The following CSTPP1 variants were observed in gnomAD, a reference collection of about 807,000 sequenced individuals.
CSTPP1 encodes the protein UPF0705 protein C11orf49.
At chr11:47,158,314 T>C in the CSTPP1 span, among the ~76,000 whole-genome samples, 1 of 151,384 alleles carries the variant, frequency 6.6e-6, no homozygotes, top group Non-Finnish European at 1.5e-5. Flanking sequence ...AAGGCACAGG[T>C]GTGTCTGCGG....
At chr11:47,042,187 G>A in the CSTPP1 span, among the ~76,000 whole-genome samples, 1 of 151,688 alleles carries the variant, frequency 6.6e-6, no homozygotes, top group African/African-American at 2.4e-5. Context: ...GGGCAACAGA[G>A]CAAGTCCCTG....
the CSTPP1 span, among the ~76,000 whole-genome samples, chr11:47,076,976 A>G: frequency 1.3e-5 from 2 of 151,940 alleles, no homozygotes; most frequent in Non-Finnish European, 2.9e-5. Context: ...AAAAAAAAAA[A>G]AAGAAAACTG....
chr11:47,153,514 G>A, the CSTPP1 span, among the ~76,000 whole-genome samples: 1 of 152,238 alleles, frequency 6.6e-6, no homozygotes, highest in African/African-American at 2.4e-5. Flanking sequence ...TGGAAGATGT[G>A]TGGCCTGTGG....
At chr11:47,156,159 T>C in the CSTPP1 span, among the ~76,000 whole-genome samples, 1 of 152,208 alleles carries the variant, frequency 6.6e-6, no homozygotes, top group African/African-American at 2.4e-5. Flanking sequence ...CCAAGGGCTG[T>C]ACAGTTAGGG....
chr11:47,124,425 T>TC, the CSTPP1 span, among the ~76,000 whole-genome samples: 3 of 152,158 alleles, frequency 2.0e-5, no homozygotes, highest in Admixed American at 6.6e-5. Flanking sequence ...TTAATGGTCT[T>TC]ACTTTTAAAA....
the CSTPP1 span, among the ~76,000 whole-genome samples, chr11:47,106,650 AAAAAG>A: frequency 9.2e-5 from 14 of 152,092 alleles, no homozygotes; most frequent in Admixed American, 4.6e-4. Flanking sequence ...CTCAAAAAAA[AAAAAG>A]AAAAGAAAAG....
chr11:47,060,258 C>CT, the CSTPP1 span, among the ~76,000 whole-genome samples: 3,002 of 99,060 alleles, frequency 0.03, 188 homozygotes, highest in African/African-American at 0.11. Flanking sequence ...CTTTTCTTTT[C>CT]TTTTTTTTTT....
At chr11:47,134,168 T>C in the CSTPP1 span, among the ~76,000 whole-genome samples, 1 of 152,122 alleles carries the variant, frequency 6.6e-6, no homozygotes, top group Admixed American at 6.6e-5. Flanking sequence ...TAGTATGCTG[T>C]GAAGGCTAAG....
chr11:46,945,772 C>T, the CSTPP1 span, among the ~76,000 whole-genome samples: 1 of 152,050 alleles, frequency 6.6e-6, no homozygotes, highest in East Asian at 1.9e-4. Flanking sequence ...ATAAAGCATC[C>T]CTCCCCACAG....
the CSTPP1 span, among the ~76,000 whole-genome samples, chr11:47,143,181 G>A: frequency 2.0e-5 from 3 of 152,190 alleles, no homozygotes; most frequent in Admixed American, 6.5e-5. Flanking sequence ...TAGAAAAATT[G>A]TATGTATCCC....
the CSTPP1 span, among the ~76,000 whole-genome samples, chr11:47,054,624 GGA>G: frequency 1.4e-4 from 22 of 152,116 alleles, no homozygotes; most frequent in Non-Finnish European, 2.8e-4. Context: ...CTTTTAGATA[GGA>G]GAGTGGTGTG....
chr11:46,960,590 G>A, the CSTPP1 span, among the ~76,000 whole-genome samples: 2 of 152,116 alleles, frequency 1.3e-5, no homozygotes, highest in African/African-American at 4.8e-5. Flanking sequence ...GCTGGGCGCG[G>A]TGGCTAACCC....
the CSTPP1 span, among the ~76,000 whole-genome samples, chr11:46,982,287 G>A: frequency 6.6e-6 from 1 of 151,934 alleles, no homozygotes; most frequent in Non-Finnish European, 1.5e-5. Context: ...TGGCAAGGGG[G>A]GAAAAAGTCA....
chr11:47,154,707 T>C, the CSTPP1 span, among the ~76,000 whole-genome samples: 1 of 152,180 alleles, frequency 6.6e-6, no homozygotes, highest in Non-Finnish European at 1.5e-5. Context: ...TCAGTACCAC[T>C]TGCCAAGACC....
chr11:46,991,509 G>A, the CSTPP1 span: 2 of 152,310 alleles, frequency 1.3e-5, no homozygotes, highest in African/African-American at 2.4e-5. Flanking sequence ...AGGGAATAAA[G>A]ACTGAGATTG....
the CSTPP1 span, among the ~76,000 whole-genome samples, chr11:47,117,877 CTTTTTTTTTTTT>C: frequency 1.5e-5 from 1 of 66,372 alleles, no homozygotes; most frequent in Non-Finnish European, 2.8e-5. Flanking sequence ...TATTTCTTTT[CTTTTTTTTTTTT>C]TTTTTTTTTT....
the CSTPP1 span, among the ~76,000 whole-genome samples, chr11:47,147,526 C>G: frequency 1.3e-5 from 2 of 152,160 alleles, no homozygotes; most frequent in African/African-American, 4.8e-5. Context: ...CACCTTCAGG[C>G]TGTCTACAGG....
the CSTPP1 span, among the ~76,000 whole-genome samples, chr11:47,121,128 C>T: frequency 1.3e-5 from 2 of 152,140 alleles, no homozygotes; most frequent in African/African-American, 4.8e-5. Context: ...TCAGGACCCA[C>T]TGAAATGTAC....
chr11:47,094,480 C>CAG, the CSTPP1 span, among the ~76,000 whole-genome samples: 35,358 of 150,018 alleles, frequency 0.24, 4,689 homozygotes, highest in East Asian at 0.64. Context: ...TTACCACACA[C>CAG]AGAGAGAGAG....
Sources: allele counts gnomAD v4.1 joint callset (sites outside exome capture counted in the v4.1 genomes callset), GRCh38; gene constraint gnomAD v4.1.1; transcripts MANE v1.5; gene names NCBI Gene and HGNC (gene_info 2026-07-23, HGNC 2026-07-21).